NCAPD3: variants seen among roughly 807,000 people sequenced by gnomAD.
The protein encoded by NCAPD3 is non-SMC condensin II complex subunit D3, also known as condensin-2 complex subunit D3.
In NCAPD3, 105 loss-of-function variants were observed where a neutral mutation model predicts 182.9. That is an observed-to-expected ratio of 0.57 (90% CI 0.49 to 0.68). The LOEUF is 0.68. NCAPD3 is among the 30% of genes least tolerant of loss of function. The pLI, the probability that NCAPD3 is intolerant of heterozygous loss-of-function variation, is 0.00. For synonymous variants in NCAPD3, 815 were observed against 679.9 expected (o/e 1.20, Z -3.09); for missense variants, 1,944 against 1,837.0 (o/e 1.06, Z -1.07).
chr11:134,202,693 G>C (rs554900720), intron 13 of NCAPD3, 123 bp downstream of exon 13: 4 of 696,202 alleles, frequency 5.7e-6, no homozygotes, highest in African/African-American at 1.9e-5. Flanking sequence ...CCAGCCAGCT[G>C]TTTCAACTCT....
At chr11:134,176,837 C>T (rs758530547) in intron 23 of NCAPD3, among the ~76,000 whole-genome samples, 53 of 152,324 alleles carry the variant, frequency 3.5e-4, no homozygotes, top group East Asian at 5.8e-4. Context: ...GAGCCCAGCG[C>T]GAACACCATG....
At position 134,185,411 on chromosome 11, in the gene NCAPD3, G is replaced by A; in HGVS notation, c.2161C>T (p.Leu721=). Residue 721 remains leucine (L), a synonymous_variant, in exon 17 of 35, where the codon CTG becomes TTG. Transcript: ENST00000534548. The part of the protein sequence containing the change: ...GTEHSAPAWM[L]LSKIAGSSPR... The stretch of plus-strand genomic sequence containing the variant: ...GAGGAGCCAGCAATCTTGGAGAGCA[G>A]CATCCAGGCAGGTGCCGAATGTTCC... The A allele has an allele frequency of 6.2e-7, 1 of 1,614,094 alleles. No individual in the cohort carries two copies. The highest frequency in any genetic ancestry group is 1.3e-5 in the African/African-American group (1 of 75,044).
intron 13 of NCAPD3, among the ~76,000 whole-genome samples, chr11:134,201,244 G>C (rs1480810316): frequency 6.6e-6 from 1 of 151,824 alleles, no homozygotes; most frequent in Admixed American, 6.6e-5. Context: ...GGATGGTCTC[G>C]ATCTCCTGAC....
chr11:134,191,681 T>A (rs1006080343), intron 16 of NCAPD3, among the ~76,000 whole-genome samples: 10 of 152,186 alleles, frequency 6.6e-5, no homozygotes, highest in Non-Finnish European at 1.5e-5. Context: ...AGCAGTAGAC[T>A]CTATTATTAG....
rs968612725 is a variant in NCAPD3 at position 134,150,710 on chromosome 11, G to A, written c.*2234C>T. 2.6e-5 allele frequency: 4 copies of A among 152,044 alleles called. No homozygotes were observed. The highest frequency in any genetic ancestry group is 4.4e-5 in the Non-Finnish European group (3 of 68,016). The allele number at this position is 152,044 out of a possible 1,614,324, so 9.4% of individuals were successfully genotyped here. On this transcript the variant is annotated 3_prime_UTR_variant, in exon 35 of 35. Coordinates refer to ENST00000534548, the MANE Select transcript of NCAPD3 (RefSeq NM_015261.3). ...AGGCCAAAGGCAATTGCGAAATCAA[G>A]TCTGTCAAGTACAATAACATTTTTA...
chr11:134,214,879 T>C (rs572163159), intron 3 of NCAPD3, among the ~76,000 whole-genome samples: 1 of 152,212 alleles, frequency 6.6e-6, no homozygotes, highest in East Asian at 1.9e-4. Context: ...ATGAAAATGG[T>C]ATTACCAAGA....
intron 16 of NCAPD3, among the ~76,000 whole-genome samples, chr11:134,192,119 T>C (rs1032480119): frequency 1.3e-5 from 2 of 152,204 alleles, no homozygotes. Flanking sequence ...ATCAGGAAAC[T>C]AAGGCTCAGA....
chr11:134,156,804 CTGAA>C (rs1254481410), intron 32 of NCAPD3: 1 of 446,638 alleles, frequency 2.2e-6, no homozygotes, highest in Non-Finnish European at 4.0e-6. Context: ...GTTTGACTGA[CTGAA>C]TGTAACGACA....
intron 13 of NCAPD3, among the ~76,000 whole-genome samples, chr11:134,197,075 A>C (rs777277185): frequency 3.3e-5 from 5 of 151,986 alleles, no homozygotes; most frequent in Non-Finnish European, 7.4e-5. Context: ...TGGTCATTTA[A>C]AAGTGTGTGG....
intron 29 of NCAPD3, among the ~76,000 whole-genome samples, chr11:134,158,748 T>C (rs1943500352): frequency 6.6e-6 from 1 of 152,226 alleles, no homozygotes; most frequent in Non-Finnish European, 1.5e-5. Flanking sequence ...ATCTCCACTG[T>C]ACTGAATACT....
chr11:134,184,476 T>C (rs1468902543), intron 19 of NCAPD3, among the ~76,000 whole-genome samples, 161 bp downstream of exon 19: 1 of 152,236 alleles, frequency 6.6e-6, no homozygotes, highest in Admixed American at 6.5e-5. Context: ...GGAATGTCAA[T>C]TGCTAGTTAT....
chr11:134,163,770 G>A (rs1445967664), intron 27 of NCAPD3, among the ~76,000 whole-genome samples: 15 of 150,004 alleles, frequency 1.0e-4, no homozygotes, highest in Non-Finnish European at 1.2e-4. Context: ...TACTCGGGAG[G>A]CTGAGGCAGG....
chr11:134,173,419 C>T (rs957334675), intron 24 of NCAPD3: 2 of 153,454 alleles, frequency 1.3e-5, no homozygotes, highest in African/African-American at 2.4e-5. Context: ...GAAAGCCTTC[C>T]CCCAGAGCTG....
At chr11:134,176,602 G>A (rs1944173288) in intron 23 of NCAPD3, among the ~76,000 whole-genome samples, 1 of 152,218 alleles carries the variant, frequency 6.6e-6, no homozygotes, top group Non-Finnish European at 1.5e-5. Context: ...AAAGCACATG[G>A]CATTAGAGGG....
In NCAPD3 at chr11:134,168,167, C is replaced by T. The variant is rs1011008702; in HGVS notation, c.3402G>A (p.Leu1134=). 1.2e-6 allele frequency: 2 copies of T among 1,613,934 alleles called. No individual in the cohort carries two copies. Among genetic ancestry groups the T allele is most frequent in the Non-Finnish European group, 1.7e-6 (2 of 1,180,006 alleles). ...AGAGTAACTCACTGGCGTCCAGGTCCAGGGGTAGGATGCCATCAGCAAAGC... is the reference window on the plus strand; with the variant it reads ...AGAGTAACTCACTGGCGTCCAGGTCTAGGGGTAGGATGCCATCAGCAAAGC... ...LACFADGILP[L]DLDASELLSD... Residue 1134 remains leucine, a synonymous_variant, in exon 27 of 35, where the codon CTG becomes CTA. Transcript: ENST00000534548.
Position 134,150,567 on chromosome 11 carries a change from G to A in NCAPD3, c.*2377C>T, listed in dbSNP as rs1305002922. The A allele has an allele frequency of 4.6e-5, 7 of 152,142 alleles. No homozygotes were observed. Among genetic ancestry groups the A allele is most frequent in the Admixed American group, 6.5e-5 (1 of 15,278 alleles). The allele number at this position is 152,142 out of a possible 1,614,324, so 9.4% of individuals were successfully genotyped here. On this transcript the variant is annotated 3_prime_UTR_variant, in exon 35 of 35. Coordinates refer to ENST00000534548, the MANE Select transcript of NCAPD3 (RefSeq NM_015261.3). ...GGGACACTGGTGTCTTCCATGTAGC[G>A]TCCCAGCTTTGGGCTCCTGTAACAG...
Position 134,209,104 on chromosome 11 carries a change from A to G in NCAPD3, c.794+41T>C, listed in dbSNP as rs1323070520. 2.5e-6 allele frequency: 4 copies of G among 1,591,080 alleles called. No individual in the cohort carries two copies. The South Asian group carries it at 4.5e-5, about 18-fold the overall frequency. On this transcript the variant is annotated intron_variant, in intron 6 of 34. Transcript: ENST00000534548. ...TTTCTGCTGGAGCAAAAATTGGTAC[A>G]CTATACTTAAATTGTAGCACTGGAA... is the stretch of plus-strand genomic sequence containing the variant.
In NCAPD3 at chr11:134,210,368, A is replaced by T. The variant is rs375358565; in HGVS notation, c.469T>A (p.Leu157Met). ...TGTTCTTTCTTTCTTTTCCGATTCAAGTTAGATTCCTGGGGCCAGCTCTTC... is the reference window on the plus strand; with the variant it reads ...TGTTCTTTCTTTCTTTTCCGATTCATGTTAGATTCCTGGGGCCAGCTCTTC... ...LKKSWPQESN[L>M]NRKRKKEQPK... The change falls in exon 4 of 35, where the codon TTG becomes ATG. Residue 157 changes from leucine to methionine, a missense_variant. Leu to Met is a conservative substitution (Grantham distance 15). This residue lies in a region of NCAPD3 where 1,803 missense variants were observed against 1,674.6 expected (regional missense o/e 1.08). Transcript: ENST00000534548. 2.5e-6 allele frequency: 4 copies of T among 1,613,988 alleles called. No individual in the cohort carries two copies. The highest frequency in any genetic ancestry group is 3.4e-6 in the Non-Finnish European group (4 of 1,180,010).
chr11:134,208,454 A>G (rs1937700493), intron 7 of NCAPD3, among the ~76,000 whole-genome samples: 1 of 152,230 alleles, frequency 6.6e-6, no homozygotes, highest in Admixed American at 6.5e-5. Flanking sequence ...TGAAGCGCAC[A>G]TGAATTGCCA....
Sources: allele counts gnomAD v4.1 joint callset (sites outside exome capture counted in the v4.1 genomes callset), GRCh38; gene constraint gnomAD v4.1.1; regional missense constraint gnomAD v4.1.1; transcripts MANE v1.5; gene names NCBI Gene and HGNC (gene_info 2026-07-23, HGNC 2026-07-21).